The following AFG2A variants were observed in gnomAD, a reference collection of about 807,000 sequenced individuals.
The protein encoded by AFG2A is ATPase family gene 2 protein homolog A.
chr4:123,129,933 A>T, the AFG2A span, among the ~76,000 whole-genome samples: 1 of 152,172 alleles, frequency 6.6e-6, no homozygotes, highest in South Asian at 2.1e-4. Context: ...ATCCTTGATC[A>T]TACACGTGAG....
At chr4:123,007,550 A>C in the AFG2A span, among the ~76,000 whole-genome samples, 1 of 89,620 alleles carries the variant, frequency 1.1e-5, no homozygotes, top group African/African-American at 3.8e-5. Context: ...ATGTGTATGT[A>C]TGTGTGTGTG....
At chr4:123,009,232 A>G in the AFG2A span, among the ~76,000 whole-genome samples, 2 of 152,208 alleles carry the variant, frequency 1.3e-5, no homozygotes, top group African/African-American at 4.8e-5. Flanking sequence ...GTGTGAAGTC[A>G]CTACCAAACA....
the AFG2A span, among the ~76,000 whole-genome samples, chr4:123,233,266 TACACACAC>T: frequency 4.7e-5 from 7 of 149,676 alleles, no homozygotes; most frequent in African/African-American, 1.5e-4. Context: ...AAAAATTATG[TACACACAC>T]ACACGCACAC....
the AFG2A span, chr4:122,929,274 A>C: frequency 1.2e-5 from 17 of 1,431,666 alleles, no homozygotes; most frequent in East Asian, 4.1e-4. Context: ...TGTAAACCAC[A>C]TATGTAATTT....
the AFG2A span, among the ~76,000 whole-genome samples, chr4:122,939,807 G>GC: frequency 2.0e-5 from 3 of 152,246 alleles, 1 homozygote; most frequent in East Asian, 5.8e-4. Flanking sequence ...ACAGGCCCCA[G>GC]AGTGTGATGG....
the AFG2A span, among the ~76,000 whole-genome samples, chr4:123,269,533 A>G: frequency 6.6e-6 from 1 of 152,250 alleles, no homozygotes; most frequent in Admixed American, 6.5e-5. Flanking sequence ...CTATCTGAAT[A>G]TATTAGTTTC....
chr4:123,180,128 G>C, the AFG2A span, among the ~76,000 whole-genome samples: 1 of 152,186 alleles, frequency 6.6e-6, no homozygotes, highest in East Asian at 1.9e-4. Context: ...AGTGAGGCAC[G>C]AGAATCGCTC....
At chr4:123,255,157 G>A in the AFG2A span, among the ~76,000 whole-genome samples, 6 of 152,104 alleles carry the variant, frequency 3.9e-5, no homozygotes, top group East Asian at 1.9e-4. Flanking sequence ...TAGAGATGTC[G>A]TTTTGTCATG....
the AFG2A span, among the ~76,000 whole-genome samples, chr4:123,290,908 C>T: frequency 6.6e-6 from 1 of 152,106 alleles, no homozygotes; most frequent in Non-Finnish European, 1.5e-5. Flanking sequence ...AAGTCTCCCA[C>T]TATTATTGTA....
At chr4:123,153,316 G>C in the AFG2A span, among the ~76,000 whole-genome samples, 1 of 152,224 alleles carries the variant, frequency 6.6e-6, no homozygotes, top group African/African-American at 2.4e-5. Context: ...GCAGATCTCT[G>C]AAGGCTCACT....
the AFG2A span, among the ~76,000 whole-genome samples, chr4:123,221,144 T>G: frequency 3.9e-5 from 6 of 152,138 alleles, no homozygotes; most frequent in Admixed American, 2.0e-4. Context: ...AATGGAGATG[T>G]GAGTTTTTTG....
chr4:123,217,854 G>T, the AFG2A span, among the ~76,000 whole-genome samples: 2 of 152,018 alleles, frequency 1.3e-5, no homozygotes, highest in South Asian at 4.1e-4. Flanking sequence ...CCATAAACCC[G>T]TTTTAATTTA....
chr4:123,278,597 T>G, the AFG2A span, among the ~76,000 whole-genome samples: 1 of 152,170 alleles, frequency 6.6e-6, no homozygotes. Flanking sequence ...TTTAATGCTA[T>G]GAACTTCCCT....
At chr4:123,308,576 T>C in the AFG2A span, among the ~76,000 whole-genome samples, 1 of 152,278 alleles carries the variant, frequency 6.6e-6, no homozygotes, top group East Asian at 1.9e-4. Context: ...GAGAGTCTAA[T>C]GCCTGATGAT....
chr4:123,274,593 A>AT, the AFG2A span, among the ~76,000 whole-genome samples: 5,130 of 149,152 alleles, frequency 0.034, 112 homozygotes, highest in African/African-American at 0.051. Flanking sequence ...AGAGCACATA[A>AT]TTAAAAAAAA....
chr4:123,051,999 G>C, the AFG2A span, among the ~76,000 whole-genome samples: 4 of 152,010 alleles, frequency 2.6e-5, no homozygotes, highest in Non-Finnish European at 5.9e-5. Context: ...TCAAGCTTTG[G>C]AAAGTTTTTT....
the AFG2A span, among the ~76,000 whole-genome samples, chr4:123,282,021 T>C: frequency 3.3e-5 from 5 of 152,168 alleles, no homozygotes; most frequent in African/African-American, 1.2e-4. Flanking sequence ...TACATCTCAC[T>C]ATATACTTGA....
the AFG2A span, among the ~76,000 whole-genome samples, chr4:123,254,842 A>C: frequency 2.6e-5 from 4 of 152,228 alleles, no homozygotes; most frequent in Non-Finnish European, 4.4e-5. Context: ...TAAAATATTA[A>C]GAAGGCTCAT....
chr4:123,225,208 T>C, the AFG2A span, among the ~76,000 whole-genome samples: 1 of 152,226 alleles, frequency 6.6e-6, no homozygotes, highest in Non-Finnish European at 1.5e-5. Context: ...AGAAGTTCTT[T>C]AGTTTATTAG....
Sources: gnomAD v4.1 joint callset for allele counts (sites outside exome capture counted in the v4.1 genomes callset) on GRCh38, gnomAD v4.1.1 for gene constraint, MANE v1.5 for transcripts, NCBI Gene and HGNC (gene_info 2026-07-23, HGNC 2026-07-21) for gene names.